The following MCTP2 variants were observed in gnomAD, a reference collection of about 807,000 sequenced individuals.
The protein encoded by MCTP2 is multiple C2 and transmembrane domain-containing protein 2.
A neutral mutation model predicts 111.6 loss-of-function variants in MCTP2; 132 were observed. That is an observed-to-expected ratio of 1.18 (90% CI 1.03 to 1.37). MCTP2 has a LOEUF of 1.37. Ranked by LOEUF, MCTP2 falls within the 40% of genes most tolerant of loss-of-function variation. The pLI is 0.00. For synonymous variants in MCTP2, 395 were observed against 387.7 expected (o/e 1.02, Z -0.22); for missense variants, 1,183 against 1,067.9 (o/e 1.11, Z -1.50).
At chr15:94,252,716 AACTT>A (rs1411145393) in intron 1 of MCTP2, among the ~76,000 whole-genome samples, 13 of 152,112 alleles carry the variant, frequency 8.5e-5, no homozygotes, top group Non-Finnish European at 2.9e-5. Context: ...CTGTCACCTA[AACTT>A]ATAAGTGTAA....
Position 94,453,906 on chromosome 15 carries a change from A to G in MCTP2, c.2251-4231A>G, listed in dbSNP as rs560632679. ...CTGAAAACATTATTTTAATGCATAC[A>G]GCTAAAAATGCATGTTGATATATCT... is the stretch of plus-strand genomic sequence containing the variant. On this transcript the variant is annotated intron_variant, in intron 19 of 22. Coordinates refer to ENST00000357742, the MANE Select transcript of MCTP2 (RefSeq NM_001385001.1). Among the ~76,000 whole-genome samples the G allele has an allele frequency of 7.2e-5, 11 of 152,364 alleles. No individual in the cohort carries two copies. The South Asian group carries it at 2.1e-3, about 29-fold the overall frequency.
chr15:94,360,831 C>T (rs1485335448), intron 10 of MCTP2, among the ~76,000 whole-genome samples: 2 of 148,912 alleles, frequency 1.3e-5, no homozygotes, highest in Admixed American at 6.8e-5. Flanking sequence ...TTCTGTTCTT[C>T]CTCTTTATGA....
intron 1 of MCTP2, among the ~76,000 whole-genome samples, chr15:94,278,975 T>C (rs1468719573): frequency 6.6e-6 from 1 of 152,226 alleles, no homozygotes; most frequent in East Asian, 1.9e-4. Context: ...CATTGGTCTG[T>C]GTGTCTGTTT....
At chr15:94,257,710 C>G (rs2072909014) in intron 1 of MCTP2, among the ~76,000 whole-genome samples, 1 of 150,434 alleles carries the variant, frequency 6.6e-6, no homozygotes, top group African/African-American at 2.4e-5. Context: ...CCTCAGCTTC[C>G]TGAGTAGCTG....
At chr15:94,379,776 A>G (rs2080008408) in intron 12 of MCTP2, among the ~76,000 whole-genome samples, 1 of 146,742 alleles carries the variant, frequency 6.8e-6, no homozygotes, top group Admixed American at 6.9e-5. Flanking sequence ...ATGATATGTA[A>G]TATATAATTA....
At chr15:94,292,632 A>T (rs1371668746) in intron 1 of MCTP2, among the ~76,000 whole-genome samples, 2 of 152,224 alleles carry the variant, frequency 1.3e-5, no homozygotes, top group Non-Finnish European at 2.9e-5. Flanking sequence ...ATAAATGAAG[A>T]GACCTGCCAT....
chr15:94,355,638 C>T (rs1189958261), intron 8 of MCTP2, among the ~76,000 whole-genome samples: 1 of 151,932 alleles, frequency 6.6e-6, no homozygotes, highest in African/African-American at 2.4e-5. Flanking sequence ...ACTAGTGAAT[C>T]TTACATGGTA....
intron 4 of MCTP2, among the ~76,000 whole-genome samples, chr15:94,320,126 G>T (rs1445936352): frequency 6.8e-6 from 1 of 146,874 alleles, no homozygotes; most frequent in African/African-American, 2.5e-5. Context: ...TTAGGAGGGA[G>T]AATAGTTTAT....
intron 10 of MCTP2, among the ~76,000 whole-genome samples, chr15:94,361,234 C>T (rs555857945): frequency 4.0e-5 from 6 of 151,758 alleles, no homozygotes; most frequent in Non-Finnish European, 7.4e-5. Context: ...CGTAACTCTC[C>T]TCTCCAAAGC....
At chr15:94,442,842 T>C in intron 18 of MCTP2, 77 bp from the exon 19 acceptor site, 1 of 1,258,210 alleles carries the variant, frequency 7.9e-7, no homozygotes, top group Non-Finnish European at 1.2e-6. Flanking sequence ...TAGGCAAGCT[T>C]TAAAATGTGT....
chr15:94,371,108 G>A (rs1298636664), intron 12 of MCTP2, among the ~76,000 whole-genome samples: 2 of 149,058 alleles, frequency 1.3e-5, no homozygotes, highest in African/African-American at 2.5e-5. Flanking sequence ...AGAAATTTTA[G>A]GAAATATAAA....
chr15:94,398,396 C>G (rs1393308643), intron 14 of MCTP2, among the ~76,000 whole-genome samples: 2 of 152,184 alleles, frequency 1.3e-5, no homozygotes, highest in African/African-American at 4.8e-5. Context: ...CCAGTTTATT[C>G]TAATGTTGAC....
At chr15:94,262,022 T>G (rs2073216357) in intron 1 of MCTP2, among the ~76,000 whole-genome samples, 1 of 152,202 alleles carries the variant, frequency 6.6e-6, no homozygotes, top group African/African-American at 2.4e-5. Context: ...TTTGGAAAAC[T>G]AATGTTTTAT....
chr15:94,435,953 GT>G (rs1255234208), intron 17 of MCTP2, among the ~76,000 whole-genome samples: 2 of 151,898 alleles, frequency 1.3e-5, no homozygotes, highest in Non-Finnish European at 2.9e-5. Flanking sequence ...TTCTAAACAA[GT>G]TTTTTTTAAG....
intron 1 of MCTP2, among the ~76,000 whole-genome samples, chr15:94,295,296 G>T (rs1176570052): frequency 6.6e-6 from 1 of 152,036 alleles, no homozygotes. Flanking sequence ...TCTCTTTGGG[G>T]TGCTGTAGGG....
chr15:94,245,295 T>C (rs978762155), intron 1 of MCTP2, among the ~76,000 whole-genome samples: 7 of 142,690 alleles, frequency 4.9e-5, no homozygotes, highest in African/African-American at 1.5e-4. Context: ...CATATGTATA[T>C]ATTTATATAC....
At chr15:94,375,323 C>T (rs1596507700) in intron 12 of MCTP2, among the ~76,000 whole-genome samples, 1 of 152,186 alleles carries the variant, frequency 6.6e-6, no homozygotes, top group East Asian at 1.9e-4. Flanking sequence ...TTGGGGATTA[C>T]ACCTGGACCT....
In MCTP2 at chr15:94,480,878, T is replaced by C. The variant is rs2074692131; in HGVS notation, c.*1844T>C. On this transcript the variant is annotated 3_prime_UTR_variant, in exon 23 of 23. Coordinates refer to ENST00000357742, the MANE Select transcript of MCTP2 (RefSeq NM_001385001.1). ...TCATTAGTTAGACTTGTTTCCTCTG[T>C]AGCCCGATTGAAATTCTCAGTGTTA... is the stretch of plus-strand genomic sequence containing the variant. The C allele has an allele frequency of 6.6e-6, 1 of 152,228 alleles. No individual in the cohort carries two copies. Among genetic ancestry groups the C allele is most frequent in the Non-Finnish European group, 1.5e-5 (1 of 68,032 alleles). The allele number at this position is 152,228 out of a possible 1,614,324, so 9.4% of individuals were successfully genotyped here.
At chr15:94,313,128 T>C (rs780214380) in intron 2 of MCTP2, among the ~76,000 whole-genome samples, 28 of 152,300 alleles carry the variant, frequency 1.8e-4, no homozygotes, top group African/African-American at 2.4e-4. Context: ...GTGGTTTTCA[T>C]TGACGCAATC....
Sources: allele counts gnomAD v4.1 joint callset (sites outside exome capture counted in the v4.1 genomes callset), GRCh38; gene constraint gnomAD v4.1.1; transcripts MANE v1.5; gene names NCBI Gene and HGNC (gene_info 2026-07-23, HGNC 2026-07-21).